The following ASTN2 variants were observed in gnomAD, a reference collection of about 807,000 sequenced individuals.
The protein encoded by ASTN2 is astrotactin-2.
ASTN2 carries 54 observed loss-of-function variants against 139.8 expected under a neutral mutation model. That is an observed-to-expected ratio of 0.39 (90% CI 0.31 to 0.48). The LOEUF (loss-of-function observed/expected upper bound fraction) is 0.48, where lower values mean the gene tolerates loss of function less well. Ranked by LOEUF, ASTN2 falls within the 20% of genes least tolerant of loss-of-function variation. The probability of loss-of-function intolerance (pLI) is 0.95; values close to 1 mark genes in which losing one functional copy is unlikely to be tolerated. For synonymous variants in ASTN2, 756 were observed against 719.5 expected (o/e 1.05, Z -0.81); for missense variants, 1,565 against 1,725.1 (o/e 0.91, Z 1.64).
chr9:117,012,919 G>T (rs896969585), intron 6 of ASTN2, among the ~76,000 whole-genome samples: 48 of 152,296 alleles, frequency 3.2e-4, no homozygotes, highest in African/African-American at 1.1e-3. Flanking sequence ...AGCAGGCTCT[G>T]GTTGAGTAAA....
At chr9:117,353,714 A>G (rs796419044) in intron 1 of ASTN2, among the ~76,000 whole-genome samples, 1 of 152,240 alleles carries the variant, frequency 6.6e-6, no homozygotes, top group African/African-American at 2.4e-5. Context: ...ATGGAGTAAC[A>G]TTGCCCTAAT....
At chr9:116,977,722 T>C (rs79490702) in intron 7 of ASTN2, among the ~76,000 whole-genome samples, 8 of 146,686 alleles carry the variant, frequency 5.5e-5, no homozygotes, top group African/African-American at 1.8e-4. Context: ...TTTCTTTTTT[T>C]TTTTTTTTTT....
chr9:117,103,312 A>G (rs564086206), intron 4 of ASTN2, among the ~76,000 whole-genome samples: 8 of 152,252 alleles, frequency 5.3e-5, no homozygotes, highest in East Asian at 1.9e-4. Context: ...AGCCTTCTAC[A>G]TGAGAATTCT....
chr9:117,114,178 T>TAAAA (rs199889979), intron 4 of ASTN2, among the ~76,000 whole-genome samples: 17,954 of 149,788 alleles, frequency 0.12, 1,473 homozygotes, highest in Middle Eastern at 0.18. Flanking sequence ...TTTTTTTTTT[T>TAAAA]AAAAAAAAAG....
rs1847286109 is a variant in ASTN2, at chr9:116,425,755, AG to A, written c.*95del. ...AGCTTCATCTGCTAGGCCCATCCTC[AG>A]CTGTCCCCCAGCCCACCCAGGCCCC... On this transcript the variant is annotated 3_prime_UTR_variant, in exon 23 of 23. Coordinates refer to ENST00000313400, the MANE Select transcript of ASTN2 (RefSeq NM_001365068.1). The A allele has an allele frequency of 6.2e-7, 1 of 1,605,526 alleles. No individual in the cohort carries two copies. Among genetic ancestry groups the A allele is most frequent in the Non-Finnish European group, 8.5e-7 (1 of 1,175,444 alleles).
intron 16 of ASTN2, among the ~76,000 whole-genome samples, chr9:116,663,575 C>T (rs761129496): frequency 3.9e-5 from 6 of 152,148 alleles, no homozygotes; most frequent in Non-Finnish European, 8.8e-5. Context: ...GTTACTTCTC[C>T]GTTAGCTCCC....
At chr9:116,690,638 A>G (rs1860519634) in intron 16 of ASTN2, among the ~76,000 whole-genome samples, 1 of 152,216 alleles carries the variant, frequency 6.6e-6, no homozygotes, top group African/African-American at 2.4e-5. Flanking sequence ...GTCTAAAGCT[A>G]GGGAACTATG....
intron 12 of ASTN2, among the ~76,000 whole-genome samples, chr9:116,807,943 C>T (rs557780120): frequency 8.3e-6 from 1 of 120,442 alleles, no homozygotes; most frequent in East Asian, 3.2e-4. Context: ...AATCCTGTCT[C>T]TACTAAAAAA....
At chr9:116,847,470 A>G (rs1832475157) in intron 11 of ASTN2, among the ~76,000 whole-genome samples, 1 of 152,212 alleles carries the variant, frequency 6.6e-6, no homozygotes, top group Non-Finnish European at 1.5e-5. Flanking sequence ...ACACTTTCCT[A>G]GGAAAATCTG....
At chr9:116,827,208 C>T (rs1831657656) in intron 11 of ASTN2, among the ~76,000 whole-genome samples, 1 of 150,180 alleles carries the variant, frequency 6.7e-6, no homozygotes, top group Non-Finnish European at 1.5e-5. Flanking sequence ...ACTTGGGAGG[C>T]TGAGGCAAGA....
At chr9:117,349,683 A>G (rs1829330165) in intron 1 of ASTN2, among the ~76,000 whole-genome samples, 1 of 152,194 alleles carries the variant, frequency 6.6e-6, no homozygotes, top group Non-Finnish European at 1.5e-5. Flanking sequence ...TAATGAATAA[A>G]GTAAGTAAAG....
chr9:116,983,789 C>T (rs185814638), intron 7 of ASTN2, among the ~76,000 whole-genome samples: 9 of 152,262 alleles, frequency 5.9e-5, no homozygotes, highest in Admixed American at 3.9e-4. Flanking sequence ...TGTACTCCTG[C>T]CTCTTGCCAT....
chr9:116,876,067 TAAATTAAAAACTTTCCAGAAA>T (rs1457618575), intron 10 of ASTN2, among the ~76,000 whole-genome samples: 1 of 152,206 alleles, frequency 6.6e-6, no homozygotes, highest in Non-Finnish European at 1.5e-5. Context: ...CTGGGTAAAA[TAAATTAAAAACTTTCCAGAAA>T]GGATTCTCCA....
At chr9:116,519,809 A>T (rs970452377) in intron 19 of ASTN2, among the ~76,000 whole-genome samples, 1 of 152,136 alleles carries the variant, frequency 6.6e-6, no homozygotes, top group Non-Finnish European at 1.5e-5. Context: ...CTCAATTAGA[A>T]ATAAAATGGG....
At position 117,362,368 on chromosome 9, in the gene ASTN2, C is replaced by CG. The variant is rs201981914; in HGVS notation, c.442+52128dup. Among the ~76,000 whole-genome samples, 5 of 143,414 alleles carry CG rather than the reference C, an allele frequency of 3.5e-5. 1 individual carries two copies. Among genetic ancestry groups the CG allele is most frequent in the Non-Finnish European group, 7.9e-5 (5 of 63,262 alleles). The allele number at this position is 143,414 out of a possible 152,430, so 94.1% of individuals were successfully genotyped here. A position where few individuals can be genotyped will look rare whatever the true frequency, so the allele number is the denominator to read the frequency against. On this transcript the variant is annotated intron_variant, in intron 1 of 22. Transcript: ENST00000313400. ...CATTTTCTGCAGTGCTCGTTGCCCC[C>CG]GGAAAAAATCAAAACCTGTGTCATC...
chr9:116,848,351 G>A (rs1832502609), intron 11 of ASTN2, among the ~76,000 whole-genome samples: 1 of 152,130 alleles, frequency 6.6e-6, no homozygotes, highest in Non-Finnish European at 1.5e-5. Flanking sequence ...AGGTATTTGG[G>A]GAAAATAGCT....
intron 1 of ASTN2, among the ~76,000 whole-genome samples, chr9:117,338,634 C>T (rs1228913607): frequency 2.6e-5 from 4 of 152,094 alleles, no homozygotes; most frequent in African/African-American, 9.7e-5. Context: ...GTGCTTCTTC[C>T]CCCCTCCACC....
At chr9:117,193,849 C>T (rs1432340604) in intron 3 of ASTN2, among the ~76,000 whole-genome samples, 1 of 152,108 alleles carries the variant, frequency 6.6e-6, no homozygotes, top group Non-Finnish European at 1.5e-5. Context: ...ATGGGAGCTG[C>T]TGTTAGTAAG....
intron 20 of ASTN2, among the ~76,000 whole-genome samples, chr9:116,447,655 C>T (rs1279631043): frequency 6.6e-6 from 1 of 152,120 alleles, no homozygotes; most frequent in Non-Finnish European, 1.5e-5. Context: ...AGGTACTCAC[C>T]TGTACAACGG....
Sources: gnomAD v4.1 joint callset for allele counts (sites outside exome capture counted in the v4.1 genomes callset) on GRCh38, gnomAD v4.1.1 for gene constraint, MANE v1.5 for transcripts, NCBI Gene and HGNC (gene_info 2026-07-23, HGNC 2026-07-21) for gene names.